MIPOL1: variants seen among roughly 807,000 people sequenced by gnomAD.
The protein encoded by MIPOL1 is mirror-image polydactyly 1, also known as mirror-image polydactyly gene 1 protein.
Under a neutral mutation model 60.9 loss-of-function variants are expected in MIPOL1, and 57 were observed. The observed-to-expected ratio is 0.94, with a 90% CI of 0.76 to 1.17. MIPOL1 has a LOEUF of 1.17. Among genes scored for constraint, MIPOL1 ranks in the 50% most tolerant of loss-of-function variants. The pLI is 0.00. For synonymous variants in MIPOL1, 179 were observed against 168.8 expected, an observed-to-expected ratio of 1.06 and a Z score of -0.47; for missense variants, 551 against 511.6, an observed-to-expected ratio of 1.08 and a Z score of -0.74.
At chr14:37,528,192 C>T (rs2153634906) in intron 12 of MIPOL1, among the ~76,000 whole-genome samples, 1 of 152,004 alleles carries the variant, frequency 6.6e-6, no homozygotes, top group South Asian at 2.1e-4. Context: ...GACATTTTTA[C>T]AAAATGTTTT....
chr14:37,219,240 C>T (rs1968331296), intron 1 of MIPOL1, among the ~76,000 whole-genome samples: 1 of 152,140 alleles, frequency 6.6e-6, no homozygotes, highest in African/African-American at 2.4e-5. Context: ...ACTGACTTAG[C>T]AGAATTCTTG....
At chr14:37,430,840 T>C (rs1185822275) in intron 11 of MIPOL1, among the ~76,000 whole-genome samples, 1 of 152,210 alleles carries the variant, frequency 6.6e-6, no homozygotes, top group Admixed American at 6.5e-5. Flanking sequence ...TGAAGTAAAT[T>C]TGTATCTTCT....
intron 11 of MIPOL1, among the ~76,000 whole-genome samples, chr14:37,481,560 A>AACACACACACACACAC (rs3062719): frequency 5.6e-4 from 63 of 113,194 alleles, no homozygotes; most frequent in African/African-American, 1.4e-3. Flanking sequence ...GACCCCCCCC[A>AACACACACACACACAC]ACACACACAC....
intron 1 of MIPOL1, among the ~76,000 whole-genome samples, chr14:37,199,528 T>C (rs1964878293): frequency 6.6e-6 from 1 of 151,830 alleles, no homozygotes; most frequent in African/African-American, 2.4e-5. Flanking sequence ...TACTTTTTTT[T>C]TTCTTCTTTT....
At chr14:37,457,538 G>A (rs1393231572) in intron 11 of MIPOL1, among the ~76,000 whole-genome samples, 1 of 152,046 alleles carries the variant, frequency 6.6e-6, no homozygotes, top group Non-Finnish European at 1.5e-5. Flanking sequence ...CTACAAGTTG[G>A]TACTTGTGCT....
In MIPOL1 at chr14:37,259,567, AAAAAAAAAC is replaced by A. The variant is rs2082369150; in HGVS notation, c.20-7360_20-7352del. ...GAGTGACAGAGTGAGACCCTGTCTT[AAAAAAAAAC>A]AAAAAAAACATAAGAAATCACTGTC... On this transcript the variant is annotated intron_variant, in intron 3 of 12. Transcript: ENST00000684589. Among the ~76,000 whole-genome samples the A allele has an allele frequency of 2.7e-5, 4 of 150,052 alleles. No homozygotes were observed. In the Admixed American group the frequency reaches 2.7e-4, roughly 10 times the overall value.
intron 11 of MIPOL1, among the ~76,000 whole-genome samples, chr14:37,435,760 G>A (rs1297947505): frequency 6.6e-6 from 1 of 152,012 alleles, no homozygotes; most frequent in Non-Finnish European, 1.5e-5. Flanking sequence ...CTAATAAAGT[G>A]TTTGAATTTA....
At chr14:37,340,458 C>G (rs1369479286) in intron 9 of MIPOL1, among the ~76,000 whole-genome samples, 1 of 152,084 alleles carries the variant, frequency 6.6e-6, no homozygotes, top group Admixed American at 6.6e-5. Context: ...CTCCTGTAAT[C>G]CTAGCACTTT....
chr14:37,362,201 G>A (rs140392972), intron 9 of MIPOL1, among the ~76,000 whole-genome samples: 1,537 of 152,256 alleles, frequency 0.01, 23 homozygotes, highest in African/African-American at 0.035. Context: ...TTTCTTCATA[G>A]CATCAATGGT....
chr14:37,222,821 A>G (rs1227439897), intron 1 of MIPOL1, among the ~76,000 whole-genome samples: 1 of 152,140 alleles, frequency 6.6e-6, no homozygotes, highest in Non-Finnish European at 1.5e-5. Context: ...TGTTCCTCCA[A>G]ATATTTCCAG....
At chr14:37,392,336 A>G (rs1213313571) in intron 10 of MIPOL1, among the ~76,000 whole-genome samples, 2 of 152,180 alleles carry the variant, frequency 1.3e-5, no homozygotes, top group Non-Finnish European at 2.9e-5. Flanking sequence ...TTACAATGGT[A>G]TTAGTATTAT....
At chr14:37,218,178 T>A (rs545295851) in intron 1 of MIPOL1, among the ~76,000 whole-genome samples, 67 of 152,190 alleles carry the variant, frequency 4.4e-4, no homozygotes, top group South Asian at 2.9e-3. Context: ...CATCTTTTTT[T>A]AATTATTATT....
chr14:37,393,031 A>G (rs1329139675), intron 10 of MIPOL1, among the ~76,000 whole-genome samples: 1 of 152,098 alleles, frequency 6.6e-6, no homozygotes, highest in Admixed American at 6.6e-5. Context: ...GTGTTCTTAT[A>G]AGAAGAGAAA....
chr14:37,278,883 C>T (rs1000338015), intron 6 of MIPOL1: 3 of 151,746 alleles, frequency 2.0e-5, no homozygotes, highest in Admixed American at 2.0e-4. Flanking sequence ...GGTTCAGCTT[C>T]TTCATATTTA....
chr14:37,497,092 T>G lies in MIPOL1; in HGVS notation c.1032-2816T>G, dbSNP rs572841333. Reference sequence around the variant, plus strand: ...GTGCTGGGAAAACTGGCTAGCCATATGTAGAAAGCTGAAACTGGATCCCTT... The same window carrying G: ...GTGCTGGGAAAACTGGCTAGCCATAGGTAGAAAGCTGAAACTGGATCCCTT... On this transcript the variant is annotated intron_variant, in intron 11 of 12. Coordinates refer to ENST00000684589, the MANE Select transcript of MIPOL1 (RefSeq NM_001388067.1). Among the ~76,000 whole-genome samples, 4 of 152,208 alleles carry G rather than the reference T, an allele frequency of 2.6e-5. No individual in the cohort carries two copies. In the East Asian group the frequency reaches 7.7e-4, roughly 29 times the overall value.
chr14:37,227,085 A>G (rs148905203), intron 1 of MIPOL1, among the ~76,000 whole-genome samples: 97 of 152,310 alleles, frequency 6.4e-4, no homozygotes, highest in African/African-American at 2.3e-3. Context: ...TAACAGCTGT[A>G]AAAAATCACT....
In MIPOL1 at chr14:37,247,908, G is replaced by A. The variant is rs971046488; in HGVS notation, c.19+1G>A. ...ATACAAATGGAGAACTGGTCAAAAG[G>A]TAAGGACTTTTAAGGTATTAATACC... is the stretch of plus-strand genomic sequence containing the variant. On this transcript the variant is annotated splice_donor_variant, in intron 3 of 12. Transcript: ENST00000684589. LOFTEE classifies it high-confidence loss of function. 12 of 1,612,914 alleles carry A rather than the reference G, an allele frequency of 7.4e-6. No individual in the cohort carries two copies. The highest frequency in any genetic ancestry group is 1.3e-5 in the African/African-American group (1 of 74,834).
At chr14:37,260,767 T>C (rs1463902319) in intron 3 of MIPOL1, among the ~76,000 whole-genome samples, 1 of 152,078 alleles carries the variant, frequency 6.6e-6, no homozygotes, top group Non-Finnish European at 1.5e-5. Flanking sequence ...GTATACGGTA[T>C]TCATGTAAAA....
At chr14:37,430,562 T>C (rs2094044948) in intron 11 of MIPOL1, among the ~76,000 whole-genome samples, 1 of 152,036 alleles carries the variant, frequency 6.6e-6, no homozygotes, top group African/African-American at 2.4e-5. Context: ...ACTATATTTA[T>C]TAAGCATTTG....
Sources: gnomAD v4.1 joint callset for allele counts (sites outside exome capture counted in the v4.1 genomes callset) on GRCh38, gnomAD v4.1.1 for gene constraint, MANE v1.5 for transcripts, NCBI Gene and HGNC (gene_info 2026-07-23, HGNC 2026-07-21) for gene names.